Variants in DCC observed in about 807,000 individuals in gnomAD.
DCC encodes netrin receptor DCC.
A neutral mutation model predicts 172.5 loss-of-function variants in DCC; 58 were observed. The ratio of observed to expected loss-of-function variants is 0.34; its 90% CI spans 0.27 to 0.42. The LOEUF is 0.42. DCC is among the 10% of genes least tolerant of loss of function. The probability of loss-of-function intolerance (pLI) is 1.00; values close to 1 mark genes in which losing one functional copy is unlikely to be tolerated. For missense variants in DCC, 1,740 were observed against 1,791.0 expected, an observed-to-expected ratio of 0.97 and a Z score of 0.51; for synonymous variants, 709 against 644.5, an observed-to-expected ratio of 1.10 and a Z score of -1.52.
chr18:52,964,399 T>A (rs993703364), intron 5 of DCC, among the ~76,000 whole-genome samples: 10 of 152,166 alleles, frequency 6.6e-5, no homozygotes, highest in African/African-American at 2.2e-4. Flanking sequence ...AAGGAAAAGA[T>A]AAGGCATTTT....
rs563223594 is a variant in DCC at position 53,261,611 on chromosome 18, C to T, written c.1912-43967C>T. Among the ~76,000 whole-genome samples the T allele has an allele frequency of 2.1e-3, 313 of 152,188 alleles. 1 individual carries two copies. The highest frequency in any genetic ancestry group is 3.4e-3 in the Middle Eastern group (1 of 294). ...GAGAAGCCAAAGAGAGTGGCTATCA[C>T]GCCATTCTCCTGCCTCAGCCTCTCC... On this transcript the variant is annotated intron_variant, in intron 12 of 28. Coordinates refer to ENST00000442544, the MANE Select transcript of DCC (RefSeq NM_005215.4).
intron 1 of DCC, among the ~76,000 whole-genome samples, chr18:52,531,670 C>G (rs1051410298): frequency 3.3e-5 from 5 of 151,742 alleles, no homozygotes; most frequent in Admixed American, 6.6e-5. Context: ...TTCTTAAACT[C>G]TTCTTGGCTG....
chr18:52,424,754 T>C (rs568523092), intron 1 of DCC, among the ~76,000 whole-genome samples: 21 of 152,234 alleles, frequency 1.4e-4, no homozygotes, highest in Admixed American at 5.2e-4. Context: ...GTTGGGGAAA[T>C]TGGAAGTCCT....
intron 2 of DCC, among the ~76,000 whole-genome samples, chr18:52,857,083 A>T (rs1324603722): frequency 1.3e-5 from 2 of 151,714 alleles, no homozygotes; most frequent in Non-Finnish European, 2.9e-5. Flanking sequence ...ATCCATCACC[A>T]TTACATGTGG....
intron 1 of DCC, among the ~76,000 whole-genome samples, chr18:52,387,879 A>G (rs3910781): frequency 6.6e-6 from 1 of 152,052 alleles, no homozygotes; most frequent in African/African-American, 2.4e-5. Flanking sequence ...ATAAAAGTTT[A>G]ACCAATATCT....
At chr18:53,015,707 CTTACTT>C (rs1568246092) in intron 5 of DCC, among the ~76,000 whole-genome samples, 1 of 152,002 alleles carries the variant, frequency 6.6e-6, no homozygotes, top group Non-Finnish European at 1.5e-5. Flanking sequence ...GATCGATAGA[CTTACTT>C]TACCATATGA....
At position 52,340,687 on chromosome 18, in the gene DCC, G is replaced by A; in HGVS notation, c.-101G>A. ...CGAGGAGGAGGAGGAAGCCGAAGGG[G>A]CTCGGCGCGTGTGTGTGCATGTGTG... On this transcript the variant is annotated 5_prime_UTR_variant, in exon 1 of 29. Coordinates refer to ENST00000442544, the MANE Select transcript of DCC (RefSeq NM_005215.4). The A allele has an allele frequency of 1.2e-6, 1 of 862,120 alleles. No homozygotes were observed. Among genetic ancestry groups the A allele is most frequent in the South Asian group, 1.3e-5 (1 of 75,960 alleles). 53.4% of individuals were successfully genotyped at this position (862,120 alleles called of 1,614,324 possible).
In DCC at chr18:52,707,951, C is replaced by T. The variant is rs572379539; in HGVS notation, c.92-44103C>T. Among the ~76,000 whole-genome samples, 170 of 152,158 alleles carry T rather than the reference C, an allele frequency of 1.1e-3. 1 individual carries two copies. Among genetic ancestry groups the T allele is most frequent in the African/African-American group, 3.9e-3 (162 of 41,502 alleles). On this transcript the variant is annotated intron_variant, in intron 1 of 28. Coordinates refer to ENST00000442544, the MANE Select transcript of DCC (RefSeq NM_005215.4). ...AAGACATTTATTGTACATATGGTGTCTATAGTTAAAGTGTATTATATAGTT... is the reference window on the plus strand; with the variant it reads ...AAGACATTTATTGTACATATGGTGTTTATAGTTAAAGTGTATTATATAGTT...
At chr18:52,805,475 G>A (rs956846537) in intron 2 of DCC, among the ~76,000 whole-genome samples, 6 of 152,140 alleles carry the variant, frequency 3.9e-5, no homozygotes, top group East Asian at 3.9e-4. Flanking sequence ...AATAAGAGAC[G>A]AATGGAGAAG....
intron 15 of DCC, among the ~76,000 whole-genome samples, chr18:53,359,522 A>T (rs568294318): frequency 6.6e-6 from 1 of 152,160 alleles, no homozygotes; most frequent in Non-Finnish European, 1.5e-5. Context: ...GCTACATTGT[A>T]GTTGTATTTG....
intron 2 of DCC, among the ~76,000 whole-genome samples, chr18:52,843,769 T>G (rs552798296): frequency 2.6e-5 from 4 of 152,184 alleles, no homozygotes; most frequent in Admixed American, 6.5e-5. Context: ...CTGCTTATGA[T>G]GCCAAATTTA....
chr18:53,528,754 A>G (rs1050447192), intron 28 of DCC, among the ~76,000 whole-genome samples: 35 of 152,118 alleles, frequency 2.3e-4, no homozygotes, highest in African/African-American at 7.5e-4. Context: ...TTATCATCTC[A>G]ACATGCAATA....
chr18:53,459,273 AGAAG>A lies in DCC; in HGVS notation c.3437_3440del (p.Lys1146ThrfsTer16). 1 of 1,614,170 alleles carries A rather than the reference AGAAG, an allele frequency of 6.2e-7. No homozygotes were observed. Among genetic ancestry groups the A allele is most frequent in the Non-Finnish European group, 8.5e-7 (1 of 1,180,012 alleles). On this transcript the variant is annotated frameshift_variant, in exon 24 of 29. Coordinates refer to ENST00000442544, the MANE Select transcript of DCC (RefSeq NM_005215.4). LOFTEE classifies it high-confidence loss of function. ...AGTGCTGGCAAAAGGAAGGGCAGCC[AGAAG>A]GACCTCCGACCCCCTGATCTTTGGA...
chr18:53,012,235 A>T (rs951776821), intron 5 of DCC, among the ~76,000 whole-genome samples: 2 of 151,988 alleles, frequency 1.3e-5, no homozygotes, highest in Non-Finnish European at 2.9e-5. Flanking sequence ...TTGCCAAAAG[A>T]AGGTATTCAT....
chr18:52,794,339 AT>A (rs147445222), intron 2 of DCC, among the ~76,000 whole-genome samples: 5,636 of 151,288 alleles, frequency 0.037, 199 homozygotes, highest in South Asian at 0.16. Flanking sequence ...TTCTTTCATC[AT>A]TTTTTTTGTA....
chr18:53,422,438 G>A (rs1420084137), intron 21 of DCC, among the ~76,000 whole-genome samples: 1 of 152,008 alleles, frequency 6.6e-6, no homozygotes, highest in Non-Finnish European at 1.5e-5. Flanking sequence ...TACATACCCA[G>A]GCTACCTAAC....
chr18:53,308,717 A>G (rs1490802407), intron 13 of DCC, among the ~76,000 whole-genome samples: 2 of 152,210 alleles, frequency 1.3e-5, no homozygotes, highest in African/African-American at 2.4e-5. Context: ...CCTCTGTTTA[A>G]GGTAAAATCA....
chr18:52,382,547 A>C (rs1027746139), intron 1 of DCC, among the ~76,000 whole-genome samples: 1 of 152,132 alleles, frequency 6.6e-6, no homozygotes, highest in Non-Finnish European at 1.5e-5. Context: ...TTTGTGGACT[A>C]TTGCAAGTAT....
intron 5 of DCC, among the ~76,000 whole-genome samples, chr18:53,038,526 C>T (rs935363588): frequency 5.3e-5 from 8 of 152,002 alleles, no homozygotes; most frequent in African/African-American, 1.2e-4. Flanking sequence ...TATACACTAT[C>T]ATTAAGGTAG....
Sources: allele counts gnomAD v4.1 joint callset (sites outside exome capture counted in the v4.1 genomes callset), GRCh38; gene constraint gnomAD v4.1.1; transcripts MANE v1.5; gene names NCBI Gene and HGNC (gene_info 2026-07-23, HGNC 2026-07-21).